The following CCDC40 variants were observed in gnomAD, a reference collection of about 807,000 sequenced individuals.
CCDC40 encodes the protein coiled-coil domain-containing protein 40.
CCDC40 carries 104 observed loss-of-function variants against 124.5 expected under a neutral mutation model. That is an observed-to-expected ratio of 0.84 (90% confidence interval 0.71 to 0.98). The LOEUF (loss-of-function observed/expected upper bound fraction) is 0.98, where lower values mean the gene tolerates loss of function less well. Ranked by LOEUF, CCDC40 falls within the 50% of genes least tolerant of loss-of-function variation. The pLI, the probability that CCDC40 is intolerant of heterozygous loss-of-function variation, is 0.00. For synonymous variants in CCDC40, 580 were observed against 602.9 expected (o/e 0.96, Z 0.56); for missense variants, 1,463 against 1,503.9 (o/e 0.97, Z 0.45).
intron 1 of CCDC40, among the ~76,000 whole-genome samples, chr17:80,037,688 A>AAAAAAAAATATATATATATATATAT: frequency 1.1e-4 from 5 of 45,678 alleles, no homozygotes; most frequent in African/African-American, 2.4e-4. Context: ...TTTTTTAAAA[A>AAAAAAAAATATATATATATATATAT]AGATATACAT....
chr17:80,036,868 C>T (rs948877269), intron 1 of CCDC40, 177 bp downstream of exon 1: 14 of 518,082 alleles, frequency 2.7e-5, no homozygotes, highest in Non-Finnish European at 4.3e-5. Flanking sequence ...CTGCGTTCAG[C>T]CCCTCACCCC....
intron 16 of CCDC40, 143 bp downstream of exon 16, chr17:80,088,245 GT>G (rs1279150248): frequency 8.3e-6 from 6 of 719,174 alleles, no homozygotes; most frequent in Non-Finnish European, 1.5e-5. Flanking sequence ...TTGTTGTTTT[GT>G]TTTTTGTTTT....
At chr17:80,057,207 C>T (rs2037771150) in intron 7 of CCDC40, among the ~76,000 whole-genome samples, 1 of 151,868 alleles carries the variant, frequency 6.6e-6, no homozygotes, top group Non-Finnish European at 1.5e-5. Context: ...CCCACCTCAG[C>T]CTCCTGAGTA....
At chr17:80,068,011 A>C (rs2038093134) in intron 10 of CCDC40, 1 of 1,043,666 alleles carries the variant, frequency 9.6e-7, no homozygotes, top group Admixed American at 5.2e-5. Flanking sequence ...CCCGGGGAGG[A>C]GTGAGGCCCA....
At chr17:80,096,545 C>A (rs55654762) in intron 18 of CCDC40, among the ~76,000 whole-genome samples, 26,706 of 151,774 alleles carry the variant, frequency 0.18, 2,560 homozygotes, top group East Asian at 0.24. Context: ...CCTGGGCACC[C>A]CCTGAGTCCC....
chr17:80,078,073 T>C (rs918240421), intron 10 of CCDC40, among the ~76,000 whole-genome samples: 1 of 152,184 alleles, frequency 6.6e-6, no homozygotes, highest in African/African-American at 2.4e-5. Context: ...GGCTCATGCC[T>C]CTAATCCCAG....
At chr17:80,039,092 C>T (rs1452110023) in intron 2 of CCDC40, among the ~76,000 whole-genome samples, 1 of 152,112 alleles carries the variant, frequency 6.6e-6, no homozygotes, top group Non-Finnish European at 1.5e-5. Context: ...GAGGGCCAGG[C>T]ATGGTGGCTC....
chr17:80,058,503 T>C lies in CCDC40; in HGVS notation c.1169T>C (p.Leu390Pro). 1 of 1,614,068 alleles carries C rather than the reference T, an allele frequency of 6.2e-7. No individual in the cohort carries two copies. Among genetic ancestry groups the C allele is most frequent in the Non-Finnish European group, 8.5e-7 (1 of 1,180,028 alleles). ...CCGCCGCGCCCCGCAGTGGCGGCTCTGCAGACTGAGATGGAGAACTTGGCC... is the reference window on the plus strand; with the variant it reads ...CCGCCGCGCCCCGCAGTGGCGGCTCCGCAGACTGAGATGGAGAACTTGGCC... ...ANEERKKLAA[L>P]QTEMENLALH... The change falls in exon 8 of 20, where the codon CTG (leucine) becomes CCG (proline). Residue 390 changes from leucine to proline, a missense_variant. Physicochemically the swap from Leu to Pro is moderately conservative, Grantham distance 98. Coordinates refer to ENST00000397545, the MANE Select transcript of CCDC40 (RefSeq NM_017950.4). The surrounding 1 kb of genome is among the most constrained non-coding windows in gnomAD (Gnocchi z 4.2).
intron 18 of CCDC40, among the ~76,000 whole-genome samples, chr17:80,096,753 A>G (rs56379329): frequency 0.34 from 52,245 of 152,082 alleles, 9,741 homozygotes; most frequent in African/African-American, 0.49. Context: ...CACCCCCTGG[A>G]CCATGTCAGC....
rs377599647 is a variant in CCDC40 at position 80,036,690 on chromosome 17, C to G, written c.28C>G (p.Arg10Gly). The G allele has an allele frequency of 3.1e-5, 45 of 1,462,632 alleles. 1 individual carries two copies. The highest frequency in any genetic ancestry group is 1.4e-4 in the African/African-American group (10 of 69,150). The allele number at this position is 1,462,632 out of a possible 1,614,324, so 90.6% of individuals were successfully genotyped here. The part of the protein sequence containing the change: MAEPGGAAG[R>G]SHPEDGSASE... ...GGCGGAACCGGGCGGCGCGGCGGGC[C>G]GGTAAGCCGGGCCGAGGGGCAGCGG... Residue 10 changes from arginine to glycine, a missense_variant and splice_region_variant, in exon 1 of 20, where the codon CGG (arginine) becomes GGG (glycine). By Grantham distance (125) the Arg-to-Gly change is moderately radical. Coordinates refer to ENST00000397545, the MANE Select transcript of CCDC40 (RefSeq NM_017950.4).
At chr17:80,048,845 A>T in intron 5 of CCDC40, 84 bp downstream of exon 5, 1 of 1,204,646 alleles carries the variant, frequency 8.3e-7, no homozygotes, top group East Asian at 2.5e-5. Context: ...ACTGTCTCCC[A>T]CTCCTGACCC....
chr17:80,087,196 C>T lies in CCDC40; in HGVS notation c.2450-411C>T. ...TTTCTGCCCCTACCCCTGAGCTTGG[C>T]TGGGGCAGGGCAGGGGTCTAAGGGC... On this transcript the variant is annotated intron_variant, in intron 14 of 19. Coordinates refer to ENST00000397545, the MANE Select transcript of CCDC40 (RefSeq NM_017950.4). This position sits in a 1 kb window ranked among gnomAD's most constrained non-coding sequence, Gnocchi z 4.5. 3.6e-6 allele frequency: 1 copy of T among 274,854 alleles called. No individual in the cohort carries two copies. Among genetic ancestry groups the T allele is most frequent in the East Asian group, 8.4e-5 (1 of 11,974 alleles). The allele number at this position is 274,854 out of a possible 1,614,324, so 17.0% of individuals were successfully genotyped here.
chr17:80,083,386 C>T (rs913239017), intron 12 of CCDC40, among the ~76,000 whole-genome samples: 14 of 152,260 alleles, frequency 9.2e-5, no homozygotes, highest in Admixed American at 5.2e-4. Context: ...CCTGGGAAGC[C>T]GCCCGTGGTG....
At chr17:80,046,336 GC>G (rs1244470762) in intron 3 of CCDC40, among the ~76,000 whole-genome samples, 1 of 151,994 alleles carries the variant, frequency 6.6e-6, no homozygotes, top group Non-Finnish European at 1.5e-5. Flanking sequence ...TTTGAGACCA[GC>G]CTAGGAATCA....
chr17:80,073,698 TTTTTA>T (rs2038246382), intron 10 of CCDC40, among the ~76,000 whole-genome samples: 1 of 151,902 alleles, frequency 6.6e-6, no homozygotes, highest in African/African-American at 2.4e-5. Context: ...TCTCACTTTA[TTTTTA>T]TTTTATTTAT....
Position 80,036,667 on chromosome 17 carries a change from C to T in CCDC40, c.5C>T (p.Ala2Val), listed in dbSNP as rs1175898211. ...AGCGTCGCCTAGCAACGGGAAATGG[C>T]GGAACCGGGCGGCGCGGCGGGCCGG... Reference protein sequence around the residue: MAEPGGAAGRSH... With the variant: MVEPGGAAGRSH... Residue 2 changes from alanine (A) to valine (V), a missense_variant, in exon 1 of 20, where the codon GCG becomes GTG. Physicochemically the swap from Ala to Val is moderately conservative, Grantham distance 64. Transcript: ENST00000397545. 4 of 1,459,520 alleles carry T rather than the reference C, an allele frequency of 2.7e-6. No homozygotes were observed. The highest frequency in any genetic ancestry group is 1.3e-5 in the South Asian group (1 of 74,230). The allele number at this position is 1,459,520 out of a possible 1,614,324, so 90.4% of individuals were successfully genotyped here. A position where few individuals can be genotyped will look rare whatever the true frequency, so the allele number is the denominator to read the frequency against.
rs555069918 is a variant in CCDC40, at chr17:80,055,627, G to A, written c.1160-2867G>A. ...TAGCAATAAAACCATTGCAATTCCC[G>A]TTACCCTCCGTGGTGAGATGTTTTG... On this transcript the variant is annotated intron_variant, in intron 7 of 19. Coordinates refer to ENST00000397545, the MANE Select transcript of CCDC40 (RefSeq NM_017950.4). 6.4e-4 allele frequency among the ~76,000 whole-genome samples: 98 copies of A among 152,110 alleles called. 1 individual carries two copies. The highest frequency in any genetic ancestry group is 1.5e-3 in the South Asian group (7 of 4,814).
chr17:80,068,630 G>A (rs2038110525), intron 10 of CCDC40, among the ~76,000 whole-genome samples: 1 of 151,908 alleles, frequency 6.6e-6, no homozygotes, highest in African/African-American at 2.4e-5. Context: ...CCGGTACCCT[G>A]GTGGCTGTCT....
intron 3 of CCDC40, among the ~76,000 whole-genome samples, chr17:80,044,052 A>G (rs2037351846): frequency 6.6e-6 from 1 of 152,164 alleles, no homozygotes; most frequent in Non-Finnish European, 1.5e-5. Flanking sequence ...AGCACTGACT[A>G]TGGGATAGAC....
Sources: allele counts gnomAD v4.1 joint callset (sites outside exome capture counted in the v4.1 genomes callset), GRCh38; gene constraint gnomAD v4.1.1; non-coding constraint Gnocchi (gnomAD v3.1); transcripts MANE v1.5; gene names NCBI Gene and HGNC (gene_info 2026-07-23, HGNC 2026-07-21).